UTRN: variants seen among roughly 807,000 people sequenced by gnomAD.
The protein encoded by UTRN is utrophin, also known as dystrophin-related protein 1.
Under a neutral mutation model 463.9 loss-of-function variants are expected in UTRN, and 283 were observed. The observed-to-expected ratio is 0.61, with a 90% CI of 0.55 to 0.67. The LOEUF (loss-of-function observed/expected upper bound fraction) is 0.67. Among genes scored for constraint, UTRN ranks in the 30% least tolerant of loss-of-function variants. The pLI, the probability that UTRN is intolerant of heterozygous loss-of-function variation, is 0.00. For missense variants in UTRN, 3,922 were observed against 4,084.3 expected (o/e 0.96, Z 1.08); for synonymous variants, 1,442 against 1,431.5 (o/e 1.01, Z -0.17).
chr6:144,697,191 T>A (rs548477106), intron 52 of UTRN, among the ~76,000 whole-genome samples: 1 of 152,274 alleles, frequency 6.6e-6, no homozygotes, highest in Non-Finnish European at 1.5e-5. Context: ...TTTATTGCTT[T>A]GTACATATCA....
At chr6:144,331,777 T>A (rs1443417780) in intron 2 of UTRN, among the ~76,000 whole-genome samples, 1 of 152,088 alleles carries the variant, frequency 6.6e-6, no homozygotes, top group Non-Finnish European at 1.5e-5. Context: ...AAGGATAAAC[T>A]CCCGGAGTTT....
At position 144,741,485 on chromosome 6, in the gene UTRN, T is replaced by A. The variant is rs541287826; in HGVS notation, c.7940-6761T>A. Among the ~76,000 whole-genome samples the A allele has an allele frequency of 3.9e-5, 6 of 152,316 alleles. No individual in the cohort carries two copies. In the South Asian group the frequency reaches 1.0e-3, roughly 26 times the overall value. On this transcript the variant is annotated intron_variant, in intron 54 of 74. Transcript: ENST00000367545. ...AAGTACGTTTTGAGTGCCTACCATT[T>A]ACAAGGGGGGTGTTCTAGATACTCG... is the stretch of plus-strand genomic sequence containing the variant.
At chr6:144,764,266 C>G (rs368156928) in intron 58 of UTRN, among the ~76,000 whole-genome samples, 3 of 152,210 alleles carry the variant, frequency 2.0e-5, no homozygotes, top group African/African-American at 7.2e-5. Context: ...CAGTAGAAAG[C>G]CTGCCCTGCA....
intron 40 of UTRN, among the ~76,000 whole-genome samples, chr6:144,522,810 G>T (rs1052270970): frequency 1.5e-4 from 22 of 151,284 alleles, no homozygotes; most frequent in Non-Finnish European, 4.4e-5. Flanking sequence ...TTCCTGCCTT[G>T]AGTATATTAT....
At chr6:144,491,240 G>A (rs370042700) in intron 32 of UTRN, 138 bp downstream of exon 32, 12 of 811,650 alleles carry the variant, frequency 1.5e-5, no homozygotes, top group East Asian at 1.4e-4. Flanking sequence ...GATGGAAAAC[G>A]TGTTAAAAAA....
rs1478687805 is a variant in UTRN at position 144,557,347 on chromosome 6, T to C, written c.7289+36T>C. On this transcript the variant is annotated intron_variant, in intron 50 of 74. Coordinates refer to ENST00000367545, the MANE Select transcript of UTRN (RefSeq NM_007124.3). The stretch of plus-strand genomic sequence containing the variant: ...GGCCCTGGCAGGTAAATGTATATTG[T>C]CAAGTTGAGAATTTGATGGCTTTGG... 7.6e-6 allele frequency: 12 copies of C among 1,580,322 alleles called. No homozygotes were observed. The Admixed American group carries it at 2.0e-4, about 26-fold the overall frequency.
intron 19 of UTRN, among the ~76,000 whole-genome samples, chr6:144,454,566 C>G (rs1265631240): frequency 6.6e-6 from 1 of 152,086 alleles, no homozygotes; most frequent in East Asian, 1.9e-4. Context: ...GACACCTGTA[C>G]AGATACCTAT....
At chr6:144,383,000 T>C (rs1781066741) in intron 2 of UTRN, among the ~76,000 whole-genome samples, 1 of 152,214 alleles carries the variant, frequency 6.6e-6, no homozygotes, top group East Asian at 1.9e-4. Context: ...GGTGTGATCA[T>C]GGCTCACTGC....
intron 13 of UTRN, among the ~76,000 whole-genome samples, chr6:144,443,634 A>AT (rs1183551179): frequency 2.0e-5 from 3 of 152,088 alleles, no homozygotes; most frequent in Non-Finnish European, 4.4e-5. Flanking sequence ...ATGAAGAGTG[A>AT]TTTTTTATAA....
intron 2 of UTRN, among the ~76,000 whole-genome samples, chr6:144,324,427 A>T (rs753779600): frequency 9.9e-5 from 15 of 152,236 alleles, no homozygotes; most frequent in Non-Finnish European, 1.9e-4. Context: ...TCTATAGGAA[A>T]TCACTGCATA....
At chr6:144,618,489 T>C (rs912935913) in intron 51 of UTRN, among the ~76,000 whole-genome samples, 10 of 152,162 alleles carry the variant, frequency 6.6e-5, no homozygotes, top group Non-Finnish European at 1.0e-4. Context: ...CACATGCTTA[T>C]TTATTAGGCA....
intron 2 of UTRN, among the ~76,000 whole-genome samples, chr6:144,346,865 A>G (rs1252093971): frequency 7.0e-6 from 1 of 143,696 alleles, no homozygotes; most frequent in African/African-American, 3.0e-5. Flanking sequence ...CTCTCTGTCT[A>G]TCTATGTATC....
At chr6:144,343,920 T>C (rs1777345204) in intron 2 of UTRN, among the ~76,000 whole-genome samples, 1 of 151,930 alleles carries the variant, frequency 6.6e-6, no homozygotes. Flanking sequence ...AGCAAAGTTA[T>C]AATCTCTGTC....
intron 64 of UTRN, among the ~76,000 whole-genome samples, chr6:144,798,463 G>C (rs1777425149): frequency 6.6e-6 from 1 of 152,184 alleles, no homozygotes; most frequent in African/African-American, 2.4e-5. Context: ...CTTCCCATGA[G>C]GAGCACTGCT....
At chr6:144,706,550 A>G (rs1785120509) in intron 53 of UTRN, among the ~76,000 whole-genome samples, 2 of 152,194 alleles carry the variant, frequency 1.3e-5, no homozygotes, top group South Asian at 2.1e-4. Context: ...TATTTAAAGC[A>G]TACATGAGAC....
intron 51 of UTRN, among the ~76,000 whole-genome samples, chr6:144,585,570 C>G (rs1802391544): frequency 6.6e-6 from 1 of 151,976 alleles, no homozygotes; most frequent in African/African-American, 2.4e-5. Context: ...AGTTATTGAG[C>G]TATATTAATG....
intron 2 of UTRN, among the ~76,000 whole-genome samples, chr6:144,389,082 T>A (rs1432166021): frequency 6.6e-6 from 1 of 152,136 alleles, no homozygotes; most frequent in Non-Finnish European, 1.5e-5. Flanking sequence ...ACAGTTTGGT[T>A]TTATACATTT....
At chr6:144,596,678 A>G (rs1803676376) in intron 51 of UTRN, among the ~76,000 whole-genome samples, 1 of 152,230 alleles carries the variant, frequency 6.6e-6, no homozygotes, top group African/African-American at 2.4e-5. Flanking sequence ...TTTAGATAAA[A>G]CACATATGGT....
intron 54 of UTRN, among the ~76,000 whole-genome samples, chr6:144,734,150 CA>C (rs1227190929): frequency 6.6e-6 from 1 of 152,070 alleles, no homozygotes; most frequent in East Asian, 1.9e-4. Context: ...CCATATTTAA[CA>C]ACAAGGAAAA....
Sources: allele counts gnomAD v4.1 joint callset (sites outside exome capture counted in the v4.1 genomes callset), GRCh38; gene constraint gnomAD v4.1.1; transcripts MANE v1.5; gene names NCBI Gene and HGNC (gene_info 2026-07-23, HGNC 2026-07-21).